The following PPP2CB variants were observed in gnomAD, a reference collection of about 807,000 sequenced individuals.
PPP2CB encodes serine/threonine-protein phosphatase 2A catalytic subunit beta isoform.
Under a neutral mutation model 39.1 loss-of-function variants are expected in PPP2CB, and 18 were observed. The observed-to-expected ratio is 0.46, with a 90% CI of 0.32 to 0.68. The LOEUF is 0.68. Among genes scored for constraint, PPP2CB ranks in the 30% least tolerant of loss-of-function variants. PPP2CB has a pLI of 0.04. For missense variants in PPP2CB, 226 were observed against 396.9 expected, an observed-to-expected ratio of 0.57 and a Z score of 3.66; for synonymous variants, 129 against 133.8, an observed-to-expected ratio of 0.96 and a Z score of 0.25.
chr8:30,794,139 A>G, intron 4 of PPP2CB, 53 bp downstream of exon 4: 1 of 1,607,122 alleles, frequency 6.2e-7, no homozygotes. Flanking sequence ...ATCATCCTCA[A>G]AATGTGGTTA....
intron 1 of PPP2CB, among the ~76,000 whole-genome samples, chr8:30,807,773 C>A (rs1291140606): frequency 6.6e-6 from 1 of 152,238 alleles, no homozygotes; most frequent in African/African-American, 2.4e-5. Flanking sequence ...TCTAAAATAA[C>A]TGCATACTGC....
intron 1 of PPP2CB, among the ~76,000 whole-genome samples, chr8:30,803,584 GTCAA>G (rs1350946419): frequency 6.6e-6 from 1 of 150,576 alleles, no homozygotes; most frequent in African/African-American, 2.4e-5. Flanking sequence ...CCCAAGACAT[GTCAA>G]TCAGTCTCTG....
chr8:30,787,801 T>G lies in PPP2CB; in HGVS notation c.858-1494A>C, dbSNP rs139432046. Among the ~76,000 whole-genome samples the G allele has an allele frequency of 6.7e-3, 1,014 of 152,294 alleles. 12 individuals carry two copies. The highest frequency in any genetic ancestry group is 0.031 in the Middle Eastern group (9 of 294). On this transcript the variant is annotated intron_variant, in intron 6 of 6. Coordinates refer to ENST00000221138, the MANE Select transcript of PPP2CB (RefSeq NM_001009552.2). The stretch of plus-strand genomic sequence containing the variant: ...CCAGGCTGGTCTCAAACTCCTAGTC[T>G]CAAGCAATCCTCTCAGCTTGGCCTC...
At chr8:30,799,476 G>T in intron 2 of PPP2CB, 70 bp downstream of exon 2, 2 of 1,249,216 alleles carry the variant, frequency 1.6e-6, no homozygotes, top group Non-Finnish European at 2.3e-6. Context: ...CAGATGATAT[G>T]CAATACTGTC....
intron 3 of PPP2CB, among the ~76,000 whole-genome samples, chr8:30,795,167 G>A (rs1434721864): frequency 7.0e-6 from 1 of 142,558 alleles, no homozygotes; most frequent in East Asian, 2.1e-4. Flanking sequence ...TTGTTGCCCA[G>A]TGCAATGGCG....
rs1217865182 is a variant in PPP2CB at position 30,791,978 on chromosome 8, G to GTA, written c.739-665_739-664dup. 3.5e-5 allele frequency among the ~76,000 whole-genome samples: 5 copies of GTA among 141,066 alleles called. No homozygotes were observed. In the East Asian group the frequency reaches 8.0e-4, roughly 23 times the overall value. The allele number at this position is 141,066 out of a possible 152,430, so 92.5% of individuals were successfully genotyped here. On this transcript the variant is annotated intron_variant, in intron 5 of 6. Coordinates refer to ENST00000221138, the MANE Select transcript of PPP2CB (RefSeq NM_001009552.2). ...CATATATGTATACGTGTGTATATGTGTATATATACGTGTGCATATATGTAT... is the reference window on the plus strand; with the variant it reads ...CATATATGTATACGTGTGTATATGTGTATATATATACGTGTGCATATATGTAT...
chr8:30,791,974 ATGTG>A (rs1043355196), intron 5 of PPP2CB, among the ~76,000 whole-genome samples: 25 of 88,420 alleles, frequency 2.8e-4, no homozygotes, highest in Middle Eastern at 4.4e-3. Context: ...ACGTGTGTAT[ATGTG>A]TATATATACG....
chr8:30,810,936 A>T (rs933434532), intron 1 of PPP2CB, among the ~76,000 whole-genome samples: 1 of 152,246 alleles, frequency 6.6e-6, no homozygotes, highest in Non-Finnish European at 1.5e-5. Context: ...CTTCTGCCAC[A>T]TCATGACTTC....
At chr8:30,811,064 C>T (rs975580634) in intron 1 of PPP2CB, among the ~76,000 whole-genome samples, 1 of 152,084 alleles carries the variant, frequency 6.6e-6, no homozygotes, top group African/African-American at 2.4e-5. Context: ...TTTAGTCCAC[C>T]TTGTAAAGGA....
chr8:30,794,649 T>C (rs1806490252), intron 3 of PPP2CB, among the ~76,000 whole-genome samples: 1 of 152,094 alleles, frequency 6.6e-6, no homozygotes, highest in Non-Finnish European at 1.5e-5. Flanking sequence ...TGGAGAGCAG[T>C]AGCTATTCAC....
intron 5 of PPP2CB, among the ~76,000 whole-genome samples, chr8:30,792,066 G>GTA (rs10683443): frequency 0.14 from 20,930 of 151,350 alleles, 1,537 homozygotes; most frequent in African/African-American, 0.21. Flanking sequence ...ATGTATGTGT[G>GTA]TATATACACA....
intron 1 of PPP2CB, among the ~76,000 whole-genome samples, chr8:30,808,922 CTTTTTT>C (rs34287210): frequency 8.6e-6 from 1 of 116,768 alleles, no homozygotes; most frequent in Non-Finnish European, 1.7e-5. Flanking sequence ...TTTACATGGC[CTTTTTT>C]TTTTTTTTTT....
chr8:30,805,345 G>GTCAGGAGATCCGAGACCA (rs1806703494), intron 1 of PPP2CB, among the ~76,000 whole-genome samples: 1 of 152,154 alleles, frequency 6.6e-6, no homozygotes, highest in African/African-American at 2.4e-5. Flanking sequence ...AGGTCACAAG[G>GTCAGGAGATCCGAGACCA]TCAGGAGATC....
intron 3 of PPP2CB, among the ~76,000 whole-genome samples, chr8:30,796,084 TTTA>T (rs1278719709): frequency 2.6e-5 from 4 of 152,222 alleles, no homozygotes; most frequent in Non-Finnish European, 5.9e-5. Context: ...GTCCAGCAAT[TTTA>T]TTATTAATGA....
intron 6 of PPP2CB, 25 bp downstream of exon 6, chr8:30,791,172 A>G (rs552178299): frequency 3.4e-6 from 5 of 1,466,828 alleles, no homozygotes; most frequent in Non-Finnish European, 4.7e-6. Flanking sequence ...GAAAGTATAT[A>G]CAATTAAAAT....
chr8:30,788,662 C>A (rs1806382341), intron 6 of PPP2CB, among the ~76,000 whole-genome samples: 2 of 152,186 alleles, frequency 1.3e-5, no homozygotes, highest in African/African-American at 4.8e-5. Context: ...GACTATGTTT[C>A]ATGTTTACTT....
chr8:30,795,633 T>C (rs1806511030), intron 3 of PPP2CB, among the ~76,000 whole-genome samples: 1 of 152,246 alleles, frequency 6.6e-6, no homozygotes, highest in Non-Finnish European at 1.5e-5. Flanking sequence ...TCTCCATCTT[T>C]TCCCAAGTTC....
rs554267209 is a variant in PPP2CB, at chr8:30,812,285, C to G, written c.102+35G>C. 4 of 1,457,278 alleles carry G rather than the reference C, an allele frequency of 2.7e-6. No individual in the cohort carries two copies. The African/African-American group carries it at 5.8e-5, about 21-fold the overall frequency. 90.3% of individuals were successfully genotyped at this position (1,457,278 alleles called of 1,614,324 possible). A position where few individuals can be genotyped will look rare whatever the true frequency, so the allele number is the denominator to read the frequency against. ...AGGAAAGCGGCGGCCCGTCCCAGCC[C>G]CGCGCTCCCGCACTCGCCCCCGCGG... On this transcript the variant is annotated intron_variant, in intron 1 of 6. Coordinates refer to ENST00000221138, the MANE Select transcript of PPP2CB (RefSeq NM_001009552.2).
intron 3 of PPP2CB, 130 bp downstream of exon 3, chr8:30,797,450 TA>T: frequency 1.1e-6 from 1 of 881,098 alleles, no homozygotes; most frequent in Non-Finnish European, 1.6e-6. Flanking sequence ...ATTTTAAGTA[TA>T]AGGGAAGGAG....
Sources: gnomAD v4.1 joint callset for allele counts (sites outside exome capture counted in the v4.1 genomes callset) on GRCh38, gnomAD v4.1.1 for gene constraint, MANE v1.5 for transcripts, NCBI Gene and HGNC (gene_info 2026-07-23, HGNC 2026-07-21) for gene names.